Variants in CGGBP1 observed in about 807,000 individuals in gnomAD.
CGGBP1 encodes the protein CGG triplet repeat binding protein 1.
Under a neutral mutation model 11.4 loss-of-function variants are expected in CGGBP1, and 4 were observed. That is an observed-to-expected ratio of 0.35 (90% confidence interval 0.17 to 0.80). The LOEUF (loss-of-function observed/expected upper bound fraction) is 0.80. Among genes scored for constraint, CGGBP1 ranks in the 30% least tolerant of loss-of-function variants. CGGBP1 has a pLI of 0.52. For missense variants in CGGBP1, 135 were observed against 202.1 expected (o/e 0.67, Z 2.01); for synonymous variants, 76 against 74.1 (o/e 1.03, Z -0.13).
intron 2 of CGGBP1, among the ~76,000 whole-genome samples, chr3:88,115,199 A>C (rs1384409335): frequency 1.3e-5 from 2 of 152,160 alleles, no homozygotes; most frequent in Non-Finnish European, 1.5e-5. Flanking sequence ...GATAAGCTCC[A>C]AGGTGATATT....
chr3:88,136,968 G>A (rs1299516880), intron 2 of CGGBP1, among the ~76,000 whole-genome samples: 2 of 152,180 alleles, frequency 1.3e-5, no homozygotes, highest in East Asian at 3.9e-4. Flanking sequence ...GCCGAGGTGG[G>A]CAGATCACTT....
At chr3:88,105,032 C>T (rs1214765819) in intron 2 of CGGBP1, among the ~76,000 whole-genome samples, 6 of 152,088 alleles carry the variant, frequency 3.9e-5, no homozygotes, top group African/African-American at 1.2e-4. Context: ...CCCAGCTACT[C>T]GGGAGACTGA....
intron 2 of CGGBP1, chr3:88,140,950 G>T: frequency 6.2e-7 from 1 of 1,613,398 alleles, no homozygotes; most frequent in Non-Finnish European, 8.5e-7. Context: ...TTAAGATGTG[G>T]CAAATGCCTG....
chr3:88,092,143 G>T (rs1703781231), intron 2 of CGGBP1, among the ~76,000 whole-genome samples: 1 of 152,010 alleles, frequency 6.6e-6, no homozygotes, highest in Non-Finnish European at 1.5e-5. Context: ...CATACCAGAA[G>T]AAAAATGGGG....
chr3:88,059,258 C>T (rs1706689012), upstream of CGGBP1: 22 of 1,530,776 alleles, frequency 1.4e-5, no homozygotes, highest in Non-Finnish European at 1.7e-5. Flanking sequence ...GGAGGTTAGC[C>T]TAGGCATCTA....
At chr3:88,086,094 A>G (rs1708323534) in intron 2 of CGGBP1, among the ~76,000 whole-genome samples, 1 of 152,184 alleles carries the variant, frequency 6.6e-6, no homozygotes, top group South Asian at 2.1e-4. Context: ...TTATTTTCAG[A>G]TATATATCGT....
chr3:88,129,645 T>C (rs1269330148), intron 2 of CGGBP1: 1 of 1,336,236 alleles, frequency 7.5e-7, no homozygotes, highest in Admixed American at 2.9e-5. Flanking sequence ...GCTTCTTAGA[T>C]ATTTTTAATT....
chr3:88,076,818 CT>C (rs1707829282), intron 2 of CGGBP1, among the ~76,000 whole-genome samples: 4 of 152,100 alleles, frequency 2.6e-5, no homozygotes, highest in Admixed American at 1.3e-4. Context: ...CATCTAAAGC[CT>C]TTAAAATGAC....
intron 2 of CGGBP1, among the ~76,000 whole-genome samples, chr3:88,096,493 GC>G (rs1183948379): frequency 6.6e-6 from 1 of 152,052 alleles, no homozygotes; most frequent in Non-Finnish European, 1.5e-5. Flanking sequence ...ACTCCCTTTA[GC>G]CAAAACTAAC....
intron 2 of CGGBP1, chr3:88,140,616 A>G: frequency 6.2e-7 from 1 of 1,613,770 alleles, no homozygotes; most frequent in Middle Eastern, 1.6e-4. Context: ...ACACAGTGAA[A>G]TAGAGCAAAC....
At chr3:88,094,101 A>C (rs1703908300) in intron 2 of CGGBP1, among the ~76,000 whole-genome samples, 1 of 80,822 alleles carries the variant, frequency 1.2e-5, no homozygotes, top group South Asian at 7.4e-4. Flanking sequence ...AAGAGATAAT[A>C]TTCTTTTTTT....
At chr3:88,129,737 T>C (rs1290929870) in intron 2 of CGGBP1, 5 of 1,528,634 alleles carry the variant, frequency 3.3e-6, no homozygotes, top group African/African-American at 1.4e-5. Flanking sequence ...TCTGTAATGC[T>C]GAAAAAGAAG....
intron 2 of CGGBP1, among the ~76,000 whole-genome samples, chr3:88,120,812 A>G (rs1705724990): frequency 1.1e-4 from 1 of 9,034 alleles, no homozygotes; most frequent in Admixed American, 2.1e-3. Flanking sequence ...CAGTGACATT[A>G]GTGTGATTAT....
At chr3:88,100,473 G>T (rs1194390721) in intron 2 of CGGBP1, among the ~76,000 whole-genome samples, 1 of 152,194 alleles carries the variant, frequency 6.6e-6, no homozygotes, top group Non-Finnish European at 1.5e-5. Flanking sequence ...CCATTACTGG[G>T]TATATACCCA....
At chr3:88,144,227 C>T (rs969158553) in intron 1 of CGGBP1, 1 of 152,232 alleles carries the variant, frequency 6.6e-6, no homozygotes, top group Non-Finnish European at 1.5e-5. Context: ...TAGCCATATT[C>T]ATTTTTTTGA....
At chr3:88,095,443 T>C (rs533097816) in intron 2 of CGGBP1, 1 of 349,542 alleles carries the variant, frequency 2.9e-6, no homozygotes, top group East Asian at 9.1e-5. Context: ...TTGGTTTCTG[T>C]ATCCTCAAGG....
chr3:88,141,315 G>T (rs1011345574), intron 1 of CGGBP1, among the ~76,000 whole-genome samples: 2 of 139,302 alleles, frequency 1.4e-5, no homozygotes, highest in Admixed American at 1.5e-4. Flanking sequence ...CTGAACACAG[G>T]TTTTTCATAT....
At chr3:88,069,267 C>G (rs1378491483) in intron 2 of CGGBP1, among the ~76,000 whole-genome samples, 1 of 152,058 alleles carries the variant, frequency 6.6e-6, no homozygotes, top group Non-Finnish European at 1.5e-5. Context: ...ACTAAAAATA[C>G]AAAAATTAGT....
At chr3:88,095,832 T>C in intron 2 of CGGBP1, 1 of 457,384 alleles carries the variant, frequency 2.2e-6, no homozygotes, top group Non-Finnish European at 4.2e-6. Flanking sequence ...CCAAGTATTG[T>C]GCTCCTCAGA....
Sources: allele counts gnomAD v4.1 joint callset (sites outside exome capture counted in the v4.1 genomes callset), GRCh38; gene constraint gnomAD v4.1.1; transcripts MANE v1.5; gene names NCBI Gene and HGNC (gene_info 2026-07-23, HGNC 2026-07-21).